Variants in TLCD1 observed in about 807,000 individuals in gnomAD.
TLCD1 encodes the protein TLC domain containing 1.
A neutral mutation model predicts 21.2 loss-of-function variants in TLCD1; 21 were observed. That is an observed-to-expected ratio of 0.99 (90% CI 0.70 to 1.42). TLCD1 has a LOEUF of 1.42. TLCD1 is among the 40% of genes most tolerant of loss of function. The probability of loss-of-function intolerance (pLI) is 0.00; values close to 1 mark genes in which losing one functional copy is unlikely to be tolerated. For missense variants in TLCD1, 344 were observed against 330.3 expected (o/e 1.04, Z -0.32); for synonymous variants, 168 against 134.8 (o/e 1.25, Z -1.71).
chr17:28,726,326 C>T (rs2034229748), upstream of TLCD1: 1 of 867,970 alleles, frequency 1.2e-6, no homozygotes, highest in Admixed American at 5.3e-5. Context: ...CCCGCCCCGT[C>T]CGCCTGCCCC....
chr17:28,726,194 C>G lies in TLCD1; in HGVS notation c.-97G>C. On this transcript the variant is annotated 5_prime_UTR_variant, in exon 1 of 4. Coordinates refer to ENST00000292090, the MANE Select transcript of TLCD1 (RefSeq NM_138463.4). ...GCCAGTCCAGGCCGGCCGCCTCTCCCGCCGGCCGCCAGCCCCACACAGTTG... is the reference window on the plus strand; with the variant it reads ...GCCAGTCCAGGCCGGCCGCCTCTCCGGCCGGCCGCCAGCCCCACACAGTTG... 1 of 1,370,474 alleles carries G rather than the reference C, an allele frequency of 7.3e-7. No individual in the cohort carries two copies. The highest frequency in any genetic ancestry group is 9.3e-7 in the Non-Finnish European group (1 of 1,070,082). 84.9% of individuals were successfully genotyped at this position (1,370,474 alleles called of 1,614,324 possible). A position where few individuals can be genotyped will look rare whatever the true frequency, so the allele number is the denominator to read the frequency against.
chr17:28,725,518 C>T lies in TLCD1; in HGVS notation c.240G>A (p.Trp80Ter). Reference sequence around the variant, plus strand: ...AAACGAGCAAATAGCCAGAAAGTGACCACGCCGTCTCAATCTCCACTAACA... The same window carrying T: ...AAACGAGCAAATAGCCAGAAAGTGATCACGCCGTCTCAATCTCCACTAACA... ...PDMLVEIETA[W>*]SLSGYLLVCF... The change falls in exon 2 of 4, where the codon TGG becomes TGA. Residue 80 changes from tryptophan to a stop codon, truncating the protein, a stop_gained. Coordinates refer to ENST00000292090, the MANE Select transcript of TLCD1 (RefSeq NM_138463.4). LOFTEE classifies it high-confidence loss of function. The T allele has an allele frequency of 6.2e-7, 1 of 1,614,148 alleles. No homozygotes were observed. The highest frequency in any genetic ancestry group is 1.7e-5 in the Admixed American group (1 of 60,020).
chr17:28,724,867 G>T lies in TLCD1; in HGVS notation c.387C>A (p.Ile129=). 6.2e-7 allele frequency: 1 copy of T among 1,613,678 alleles called. No homozygotes were observed. The highest frequency in any genetic ancestry group is 1.1e-5 in the South Asian group (1 of 91,066). ...VMAMGAFFSG[I]FWSSFVGGGV... ...CCCCACCGACAAAGCTGCTCCAAAA[G>T]ATGCCGGAGAAGAAGGCACCCATGG... The change falls in exon 4 of 4, where the codon ATC becomes ATA. Residue 129 remains isoleucine, a synonymous_variant. Coordinates refer to ENST00000292090, the MANE Select transcript of TLCD1 (RefSeq NM_138463.4).
Position 28,726,059 on chromosome 17 carries a change from C to T in TLCD1, c.39G>A (p.Leu13=). 1 of 1,537,290 alleles carries T rather than the reference C, an allele frequency of 6.5e-7. No individual in the cohort carries two copies. Among genetic ancestry groups the T allele is most frequent in the Non-Finnish European group, 8.7e-7 (1 of 1,148,856 alleles). Residue 13 remains leucine, a synonymous_variant, in exon 1 of 4, where the codon CTG becomes CTA. Transcript: ENST00000292090. ...GCGCCCGGAAGGTCAGCGTGGCGCC[C>T]AGGAGCAGCGGCAGGGCGGGGTGCA... ...RLLHPALPLL[L]GATLTFRALR... is the part of the protein sequence containing the mutation.
chr17:28,725,351 T>C lies in TLCD1; in HGVS notation c.313A>G (p.Ser105Gly), dbSNP rs2034204804. The part of the protein sequence containing the change: ...FIHDTVDIVA[S>G]GQTRASWEYL... The stretch of plus-strand genomic sequence containing the variant: ...TCCCAAGAGGCTCGCGTCTGTCCGC[T>C]AGCCACGATGTCCACCGTATCGTGG... The change falls in exon 3 of 4, where the codon AGC (serine) becomes GGC (glycine). Residue 105 changes from serine to glycine, a missense_variant. Transcript: ENST00000292090. 1.1e-5 allele frequency: 18 copies of C among 1,614,016 alleles called. No homozygotes were observed. The highest frequency in any genetic ancestry group is 1.4e-5 in the Non-Finnish European group (16 of 1,180,034).
upstream of TLCD1, among the ~76,000 whole-genome samples, chr17:28,726,473 C>G (rs1199271900): frequency 6.6e-6 from 1 of 152,028 alleles, no homozygotes. Flanking sequence ...TGGCGCCTCC[C>G]GACTGCCGAC....
chr17:28,725,611 CCAT>C (rs2034211868), intron 1 of TLCD1, 48 bp from the exon 2 acceptor site: 2 of 1,583,068 alleles, frequency 1.3e-6, no homozygotes, highest in Non-Finnish European at 8.7e-7. Flanking sequence ...CCCTCAAGGA[CCAT>C]CAACTTCTCG....
Position 28,725,499 on chromosome 17 carries a change from G to C in TLCD1, c.259C>G (p.Leu87Val). The change falls in exon 2 of 4, where the codon CTC (leucine) becomes GTC (valine). Residue 87 changes from leucine to valine, a missense_variant. Physicochemically the swap from Leu to Val is conservative, Grantham distance 32. Coordinates refer to ENST00000292090, the MANE Select transcript of TLCD1 (RefSeq NM_138463.4). ...ETAWSLSGYLLVCFSAGYFIH... is the reference protein window; with the variant it reads ...ETAWSLSGYLVVCFSAGYFIH... ...GACCTACCCGCAGAGAAGCAAACGAGCAAATAGCCAGAAAGTGACCACGCC... is the reference window on the plus strand; with the variant it reads ...GACCTACCCGCAGAGAAGCAAACGACCAAATAGCCAGAAAGTGACCACGCC... 1 of 1,614,150 alleles carries C rather than the reference G, an allele frequency of 6.2e-7. No individual in the cohort carries two copies. The highest frequency in any genetic ancestry group is 1.1e-5 in the South Asian group (1 of 91,090).
rs748311460 is a variant in TLCD1, at chr17:28,725,936, G to A, written c.162C>T (p.His54=). ...RWHNLLVSFA[H]SIVSGIWALL... The stretch of plus-strand genomic sequence containing the variant: ...GTGCCCAGATCCCCGACACAATGGA[G>A]TGAGCGAAGGAGACGAGCAGGTTGT... The change falls in exon 1 of 4, where the codon CAC becomes CAT. Residue 54 remains histidine, a synonymous_variant. Coordinates refer to ENST00000292090, the MANE Select transcript of TLCD1 (RefSeq NM_138463.4). The A allele has an allele frequency of 6.2e-7, 1 of 1,613,132 alleles. No individual in the cohort carries two copies. Among genetic ancestry groups the A allele is most frequent in the Non-Finnish European group, 8.5e-7 (1 of 1,179,900 alleles).
chr17:28,726,387 G>A (rs2034231804), upstream of TLCD1, among the ~76,000 whole-genome samples: 1 of 148,974 alleles, frequency 6.7e-6, no homozygotes, highest in African/African-American at 2.5e-5. Context: ...GTGGCCTCTC[G>A]GCCACCGGCC....
upstream of TLCD1, chr17:28,726,271 T>TGCCCCCGCCCCCAGCCGCCCGC (rs1255313332): frequency 4.1e-6 from 5 of 1,205,724 alleles, no homozygotes; most frequent in Middle Eastern, 3.2e-4. Context: ...GCGAGGCCTC[T>TGCCCCCGCCCCCAGCCGCCCGC]GCCCCCGCCC....
rs186727058 is a variant in TLCD1, at chr17:28,725,385, C to A, written c.279G>T (p.Gly93=). The change falls in exon 3 of 4, where the codon GGG becomes GGT. Residue 93 remains glycine, a splice_region_variant and synonymous_variant. Transcript: ENST00000292090. ...TGTCCACCGTATCGTGGATGAAATACCCTAGTGGAGGGATGGGGCAAGAGA... is the reference window on the plus strand; with the variant it reads ...TGTCCACCGTATCGTGGATGAAATAACCTAGTGGAGGGATGGGGCAAGAGA... ...SGYLLVCFSA[G]YFIHDTVDIV... 1.2e-6 allele frequency: 2 copies of A among 1,614,186 alleles called. No individual in the cohort carries two copies. The highest frequency in any genetic ancestry group is 1.7e-6 in the Non-Finnish European group (2 of 1,180,028).
At chr17:28,727,115 C>T, upstream of TLCD1, 5 of 419,682 alleles carry the variant, frequency 1.2e-5, no homozygotes, top group East Asian at 4.0e-5. Flanking sequence ...CAGCTGAGAG[C>T]CAGCGAGGGA....
At position 28,726,093 on chromosome 17, in the gene TLCD1, G is replaced by A; in HGVS notation, c.5C>T (p.Pro2Leu). The A allele has an allele frequency of 2.8e-6, 4 of 1,451,698 alleles. No homozygotes were observed. Among genetic ancestry groups the A allele is most frequent in the Non-Finnish European group, 3.6e-6 (4 of 1,112,554 alleles). 89.9% of individuals were successfully genotyped at this position (1,451,698 alleles called of 1,614,324 possible). The change falls in exon 1 of 4, where the codon CCC becomes CTC. Residue 2 changes from proline to leucine, a missense_variant. Transcript: ENST00000292090. M[P>L]RLLHPALPLL... ...CGGCAGGGCGGGGTGCAGCAGTCGGGGCATGCTGGCCCTCCCTGCCGTCCG... is the reference window on the plus strand; with the variant it reads ...CGGCAGGGCGGGGTGCAGCAGTCGGAGCATGCTGGCCCTCCCTGCCGTCCG...
rs768315717 is a variant in TLCD1, at chr17:28,725,396, G to A, written c.278-10C>T. Reference sequence around the variant, plus strand: ...TCGTGGATGAAATACCCTAGTGGAGGGATGGGGCAAGAGATCATGAACTGA... The same window carrying A: ...TCGTGGATGAAATACCCTAGTGGAGAGATGGGGCAAGAGATCATGAACTGA... On this transcript the variant is annotated splice_polypyrimidine_tract_variant and intron_variant, in intron 2 of 3. Transcript: ENST00000292090. 1.9e-6 allele frequency: 3 copies of A among 1,614,164 alleles called. No homozygotes were observed. Among genetic ancestry groups the A allele is most frequent in the East Asian group, 2.2e-5 (1 of 44,880 alleles).
chr17:28,726,357 C>T, upstream of TLCD1: 1 of 685,604 alleles, frequency 1.5e-6, no homozygotes, highest in Non-Finnish European at 1.9e-6. Flanking sequence ...GCGCTGCTGC[C>T]GCGCGAGCCG....
At chr17:28,725,046 T>C (rs2034193809) in intron 3 of TLCD1, among the ~76,000 whole-genome samples, 153 bp from the exon 4 acceptor site, 1 of 152,186 alleles carries the variant, frequency 6.6e-6, no homozygotes, top group South Asian at 2.1e-4. Flanking sequence ...GTTTTGTTAG[T>C]TCAACATTAC....
chr17:28,726,922 T>A, upstream of TLCD1: 1 of 1,080,624 alleles, frequency 9.3e-7, no homozygotes, highest in Admixed American at 2.0e-5. Context: ...AAGCAAGACC[T>A]CCGATTTGCC....
At chr17:28,726,293 C>CCT, upstream of TLCD1, 1 of 1,133,026 alleles carries the variant, frequency 8.8e-7, no homozygotes, top group Non-Finnish European at 1.1e-6. Context: ...CAGCCGCCCG[C>CCT]GCCCCCGCCC....
Sources: allele counts gnomAD v4.1 joint callset (sites outside exome capture counted in the v4.1 genomes callset), GRCh38; gene constraint gnomAD v4.1.1; transcripts MANE v1.5; gene names NCBI Gene and HGNC (gene_info 2026-07-23, HGNC 2026-07-21).